TMEM235: variants seen among roughly 807,000 people sequenced by gnomAD.
TMEM235 encodes the protein transmembrane protein 235.
TMEM235 carries 23 observed loss-of-function variants against 22.9 expected under a neutral mutation model. The observed-to-expected ratio is 1.00, with a 90% CI of 0.72 to 1.42. The LOEUF (loss-of-function observed/expected upper bound fraction) is 1.42. Ranked by LOEUF, TMEM235 falls within the 40% of genes most tolerant of loss-of-function variation. The pLI, the probability that TMEM235 is intolerant of heterozygous loss-of-function variation, is 0.00. For synonymous variants in TMEM235, 137 were observed against 140.5 expected, an observed-to-expected ratio of 0.98 and a Z score of 0.17; for missense variants, 308 against 299.5, an observed-to-expected ratio of 1.03 and a Z score of -0.21.
intron 4 of TMEM235, among the ~76,000 whole-genome samples, chr17:78,234,976 C>T (rs115799177): frequency 0.011 from 1,748 of 152,266 alleles, 38 homozygotes; most frequent in African/African-American, 0.04. Flanking sequence ...AGGTTTAGGC[C>T]GGGAGCAGTG....
At chr17:78,240,782 A>T (rs2145931688) in exon 6 of TMEM235, 1 of 152,226 alleles carries the variant, frequency 6.6e-6, no homozygotes, top group South Asian at 2.1e-4. Context: ...CCCAGTGAGG[A>T]CAAATCTGGG....
At chr17:78,234,039 CA>C in intron 3 of TMEM235, 64 bp downstream of exon 2, 2 of 1,312,728 alleles carry the variant, frequency 1.5e-6, no homozygotes, top group Non-Finnish European at 2.1e-6. Context: ...AGATCCCAGC[CA>C]TCCCCATCCC....
At chr17:78,239,305 C>G (rs770130132) in intron 5 of TMEM235, 32 bp downstream of exon 4, 1 of 1,526,696 alleles carries the variant, frequency 6.6e-7, no homozygotes, top group South Asian at 1.2e-5. Flanking sequence ...CTTTGCACCT[C>G]CCGGGATTGG....
At chr17:78,239,436 C>T (rs950636820) in intron 5 of TMEM235, among the ~76,000 whole-genome samples, 163 bp downstream of exon 4, 5 of 152,202 alleles carry the variant, frequency 3.3e-5, no homozygotes, top group South Asian at 2.1e-4. Context: ...AATCCAGCTC[C>T]TCATGTTTCT....
At chr17:78,232,912 TGTGA>T (rs1226235414) in intron 2 of TMEM235, among the ~76,000 whole-genome samples, 1 of 151,990 alleles carries the variant, frequency 6.6e-6, no homozygotes, top group African/African-American at 2.4e-5. Context: ...AATATGTGAG[TGTGA>T]GTGTATGTAG....
In TMEM235 at chr17:78,239,136, C is replaced by T. The variant is rs61742094; in HGVS notation, c.522C>T (p.Phe174=). The change falls in exon 5 of 6, where the codon TTC becomes TTT. Residue 174 remains phenylalanine (F), a synonymous_variant. Transcript: ENST00000421688. The stretch of plus-strand genomic sequence containing the variant: ...ACATGCAGGGCGTCCGCGTCAGCTT[C>T]GGCTGGTCCATGGCCCTGGCCTGGG... 3.5e-3 allele frequency: 5,462 copies of T among 1,542,966 alleles called. 126 individuals carry two copies. In the African/African-American group the frequency reaches 0.051, roughly 14 times the overall value.
chr17:78,232,333 C>G, intron 2 of TMEM235, 120 bp downstream of exon 1: 1 of 968,446 alleles, frequency 1.0e-6, no homozygotes, highest in Non-Finnish European at 1.4e-6. Flanking sequence ...CTCTTGCATC[C>G]CGCTCTGCCC....
intron 4 of TMEM235, among the ~76,000 whole-genome samples, chr17:78,235,329 C>T (rs2076630556): frequency 4.0e-5 from 6 of 151,746 alleles, no homozygotes; most frequent in Admixed American, 3.9e-4. Flanking sequence ...CTCTTGTTGC[C>T]CAGGCTGGAG....
exon 4 of TMEM235, chr17:78,234,716 A>G: frequency 6.5e-7 from 1 of 1,536,050 alleles, no homozygotes; most frequent in Non-Finnish European, 8.7e-7. Context: ...ACCGGCTGCT[A>G]CTTCCTGCTG....
chr17:78,233,791 A>C, intron 2 of TMEM235, 104 bp from the exon 2 acceptor site: 1 of 922,820 alleles, frequency 1.1e-6, no homozygotes, highest in South Asian at 1.5e-5. Context: ...AGCAGAAGAG[A>C]AGCTGGCAGG....
At chr17:78,231,300 CCCCACGCCTGT>C, upstream of TMEM235, 1 of 917,018 alleles carries the variant, frequency 1.1e-6, no homozygotes, top group South Asian at 1.7e-5. Context: ...CCCACTGGCA[CCCCACGCCTGT>C]CCTAGAAGGT....
At chr17:78,236,369 G>A (rs1408980599) in intron 4 of TMEM235, among the ~76,000 whole-genome samples, 2 of 152,242 alleles carry the variant, frequency 1.3e-5, no homozygotes, top group South Asian at 4.1e-4. Flanking sequence ...GGCACCAGAG[G>A]CCTCAGCTCT....
Position 78,237,820 on chromosome 17 carries a change from G to GTCCT in TMEM235, c.410-1203_410-1200dup, listed in dbSNP as rs918730593. On this transcript the variant is annotated intron_variant, in intron 4 of 5. Transcript: ENST00000421688. The surrounding 1 kb of genome is among the most constrained non-coding windows in gnomAD (Gnocchi z 4.7). Reference sequence around the variant, plus strand: ...TGCCCAGCCGGGCAGGCATCCGTGTGTCCTCCCTCCCTCAGCCTCCCCATG... The same window carrying GTCCT: ...TGCCCAGCCGGGCAGGCATCCGTGTGTCCTTCCTCCCTCCCTCAGCCTCCCCATG... 6.6e-6 allele frequency among the ~76,000 whole-genome samples: 1 copy of GTCCT among 152,084 alleles called. No individual in the cohort carries two copies. The highest frequency in any genetic ancestry group is 1.5e-5 in the Non-Finnish European group (1 of 68,002).
rs982178268 is a variant in TMEM235 at position 78,237,721 on chromosome 17, C to G, written c.410-1303C>G. On this transcript the variant is annotated intron_variant, in intron 4 of 5. Transcript: ENST00000421688. This position sits in a 1 kb window ranked among gnomAD's most constrained non-coding sequence, Gnocchi z 4.7. ...TGGGGGCTGACCCCCACCCCTGCTT[C>G]TCCCAGGGACCGCTTCATTCAATTT... 6.6e-6 allele frequency among the ~76,000 whole-genome samples: 1 copy of G among 152,128 alleles called. No homozygotes were observed. The highest frequency in any genetic ancestry group is 1.5e-5 in the Non-Finnish European group (1 of 68,002).
intron 4 of TMEM235, among the ~76,000 whole-genome samples, chr17:78,236,018 T>C (rs1429441256): frequency 6.6e-6 from 1 of 152,090 alleles, no homozygotes; most frequent in Non-Finnish European, 1.5e-5. Flanking sequence ...GATCCAGTCA[T>C]CTCCCACCAG....
Position 78,233,875 on chromosome 17 carries a change from T to C in TMEM235, c.191-20T>C. ...CACCACAGCGTCCAGGCCCCAGGCT[T>C]CGAGGCCTATGTTTCCCAGGGCAGA... On this transcript the variant is annotated intron_variant, in intron 2 of 5. Transcript: ENST00000421688. 1 of 1,535,436 alleles carries C rather than the reference T, an allele frequency of 6.5e-7. No homozygotes were observed. The highest frequency in any genetic ancestry group is 8.7e-7 in the Non-Finnish European group (1 of 1,146,534).
At chr17:78,239,677 G>A in intron 5 of TMEM235, 103 bp from the exon 5 acceptor site, 3 of 1,461,554 alleles carry the variant, frequency 2.1e-6, no homozygotes, top group Non-Finnish European at 2.7e-6. Flanking sequence ...TAAGGACCTG[G>A]GAGAAAAGTA....
At position 78,231,612 on chromosome 17, in the gene TMEM235, G is replaced by T; in HGVS notation, c.-412G>T. 3 of 1,303,448 alleles carry T rather than the reference G, an allele frequency of 2.3e-6. No individual in the cohort carries two copies. The highest frequency in any genetic ancestry group is 2.0e-6 in the Non-Finnish European group (2 of 988,180). 80.7% of individuals were successfully genotyped at this position (1,303,448 alleles called of 1,614,324 possible). A position where few individuals can be genotyped will look rare whatever the true frequency, so the allele number is the denominator to read the frequency against. ...ATCCTCCTGGGGTCGGTCTCTGGCC[G>T]ATCCTCCCTCCTCCTCTCAAGCCCT... is the stretch of plus-strand genomic sequence containing the variant. On this transcript the variant is annotated 5_prime_UTR_variant, in exon 2 of 6. Coordinates refer to ENST00000421688, the Ensembl canonical transcript of TMEM235.
intron 3 of TMEM235, 70 bp downstream of exon 2, chr17:78,234,045 C>G (rs2076614851): frequency 7.5e-7 from 1 of 1,328,038 alleles, no homozygotes; most frequent in Non-Finnish European, 1.0e-6. Flanking sequence ...CAGCCATCCC[C>G]ATCCCCATCC....
Sources: allele counts gnomAD v4.1 joint callset (sites outside exome capture counted in the v4.1 genomes callset), GRCh38; gene constraint gnomAD v4.1.1; non-coding constraint Gnocchi (gnomAD v3.1); transcripts MANE v1.5; gene names NCBI Gene and HGNC (gene_info 2026-07-23, HGNC 2026-07-21).